SUN1: variants seen among roughly 807,000 people sequenced by gnomAD.
The protein encoded by SUN1 is Sad1 and UNC84 domain containing 1, also known as SUN domain-containing protein 1.
SUN1 carries 61 observed loss-of-function variants against 103.2 expected under a neutral mutation model. The ratio of observed to expected loss-of-function variants is 0.59; its 90% CI spans 0.48 to 0.73. The LOEUF is 0.73. Ranked by LOEUF, SUN1 falls within the 30% of genes least tolerant of loss-of-function variation. The pLI is 0.00. For missense variants in SUN1, 1,052 were observed against 1,034.6 expected (o/e 1.02, Z -0.23); for synonymous variants, 490 against 425.7 (o/e 1.15, Z -1.86).
chr7:860,371 A>T lies in SUN1; in HGVS notation c.1768A>T (p.Ile590Leu), dbSNP rs374725863. Residue 590 changes from isoleucine (I) to leucine (L), a missense_variant, in exon 14 of 19, where the codon ATA becomes TTA. Coordinates refer to ENST00000401592, the MANE Select transcript of SUN1 (RefSeq NM_001130965.3). ...SAVSEAGASG[I>L]TEAQARAIVN... Reference sequence around the variant, plus strand: ...TGTGAGCGAGGCGGGGGCGTCTGGAATAACAGAGGCGGTGAGTCGGCGAGT... The same window carrying T: ...TGTGAGCGAGGCGGGGGCGTCTGGATTAACAGAGGCGGTGAGTCGGCGAGT... The T allele has an allele frequency of 6.0e-5, 97 of 1,612,938 alleles. No homozygotes were observed. Among genetic ancestry groups the T allele is most frequent in the Non-Finnish European group, 7.6e-5 (90 of 1,179,134 alleles).
At chr7:863,412 T>G (rs1039766647) in intron 15 of SUN1, among the ~76,000 whole-genome samples, 2 of 152,138 alleles carry the variant, frequency 1.3e-5, no homozygotes, top group Non-Finnish European at 2.9e-5. Context: ...TTTTGTTTCT[T>G]GGGGGTTTTT....
At position 838,850 on chromosome 7, in the gene SUN1, C is replaced by A. The variant is rs1007970141; in HGVS notation, c.130C>A (p.Pro44Thr). The A allele has an allele frequency of 1.3e-6, 2 of 1,581,922 alleles. No individual in the cohort carries two copies. The highest frequency in any genetic ancestry group is 1.7e-6 in the Non-Finnish European group (2 of 1,163,414). ...TTTTGAGACGGAGCACAAATTGGAC[C>A]CTGTATTTGATTCTCCACGGATGTC... is the stretch of plus-strand genomic sequence containing the variant. ...LDFETEHKLD[P>T]VFDSPRMSRR... The change falls in exon 2 of 19, where the codon CCT (proline) becomes ACT (threonine). Residue 44 changes from proline (P) to threonine (T), a missense_variant. This residue lies in a region of SUN1 where 846 missense variants were observed against 774.5 expected (regional missense o/e 1.09). Transcript: ENST00000401592.
At chr7:854,078 G>A (rs1420202268) in intron 10 of SUN1, among the ~76,000 whole-genome samples, 1 of 152,218 alleles carries the variant, frequency 6.6e-6, no homozygotes, top group East Asian at 1.9e-4. Context: ...GGGGACCCAG[G>A]AACCTCTGCT....
chr7:841,862 A>G (rs748824246), intron 2 of SUN1, 84 bp from the exon 3 acceptor site: 29 of 1,431,036 alleles, frequency 2.0e-5, no homozygotes, highest in Middle Eastern at 1.7e-4. Context: ...TTATTCCCAG[A>G]TTAAGAGTTT....
intron 1 of SUN1, among the ~76,000 whole-genome samples, chr7:834,316 G>A (rs1800833827): frequency 1.3e-5 from 2 of 152,226 alleles, no homozygotes; most frequent in African/African-American, 4.8e-5. Flanking sequence ...GGTTGCTGCA[G>A]GATAGAGGTC....
intron 12 of SUN1, among the ~76,000 whole-genome samples, 175 bp downstream of exon 12, chr7:856,576 T>C (rs1365405676): frequency 6.6e-6 from 1 of 151,892 alleles, no homozygotes; most frequent in Admixed American, 6.6e-5. Flanking sequence ...GACAGAGGGG[T>C]CCTGCGGGGC....
At chr7:853,325 T>C in intron 9 of SUN1, 84 bp from the exon 10 acceptor site, 1 of 1,501,638 alleles carries the variant, frequency 6.7e-7, no homozygotes, top group Non-Finnish European at 9.2e-7. Context: ...GGCGTCTTGC[T>C]GTAGGACACT....
At position 838,976 on chromosome 7, in the gene SUN1, C is replaced by A. The variant is rs1407586100; in HGVS notation, c.256C>A (p.Arg86=). 3.8e-6 allele frequency: 6 copies of A among 1,586,910 alleles called. No homozygotes were observed. Among genetic ancestry groups the A allele is most frequent in the Non-Finnish European group, 5.1e-6 (6 of 1,168,034 alleles). The stretch of plus-strand genomic sequence containing the variant: ...CAGCAGCGCTGTCTCCCTGAAGAAC[C>A]GAGCGGCCAGGTGAGCACCGCTGCA... ...GTSSAVSLKN[R]AARTTKQRRS... is the part of the protein sequence containing the mutation. The change falls in exon 2 of 19, where the codon CGA becomes AGA. Residue 86 remains arginine (R), a synonymous_variant. Coordinates refer to ENST00000401592, the MANE Select transcript of SUN1 (RefSeq NM_001130965.3).
chr7:851,307 G>C, intron 5 of SUN1, 77 bp from the exon 6 acceptor site: 1 of 1,300,720 alleles, frequency 7.7e-7, no homozygotes, highest in Non-Finnish European at 1.1e-6. Flanking sequence ...GTGTGGCTTG[G>C]GCGTCCCCAC....
intron 1 of SUN1, among the ~76,000 whole-genome samples, chr7:824,780 A>G (rs934135618): frequency 1.3e-5 from 2 of 151,972 alleles, no homozygotes; most frequent in African/African-American, 2.4e-5. Context: ...GAAACGTTGC[A>G]TCTTGGCTAG....
chr7:861,258 T>C, intron 14 of SUN1, 122 bp from the exon 15 acceptor site: 4 of 957,054 alleles, frequency 4.2e-6, no homozygotes, highest in Middle Eastern at 3.2e-4. Context: ...CTAGGAACCC[T>C]ACATAGTTTC....
intron 7 of SUN1, chr7:852,339 A>C: frequency 3.4e-6 from 2 of 595,060 alleles, no homozygotes; most frequent in Non-Finnish European, 5.9e-6. Flanking sequence ...GGCATCAGTC[A>C]CCTCAGAAGG....
In SUN1 at chr7:869,425, T is replaced by C. The variant is rs755860211; in HGVS notation, c.2057T>C (p.Ile686Thr). The change falls in exon 17 of 19, where the codon ATC becomes ACC. Residue 686 changes from isoleucine to threonine, a missense_variant. This residue lies in a region of SUN1 where 206 missense variants were observed against 260.1 expected (regional missense o/e 0.79). Coordinates refer to ENST00000401592, the MANE Select transcript of SUN1 (RefSeq NM_001130965.3). ...GYLVVRLSMM[I>T]HPAAFTLEHI... The stretch of plus-strand genomic sequence containing the variant: ...CTGGTGGTGAGGCTCTCCATGATGA[T>C]CCACCCAGCCGCCTTCACTCTGGAG... 2.3e-5 allele frequency: 37 copies of C among 1,613,714 alleles called. No homozygotes were observed. The highest frequency in any genetic ancestry group is 1.4e-4 in the South Asian group (13 of 91,084).
chr7:851,241 G>C, intron 5 of SUN1, 143 bp from the exon 6 acceptor site: 2 of 590,390 alleles, frequency 3.4e-6, no homozygotes. Flanking sequence ...GAGTTATTTG[G>C]CTTTTCATAT....
chr7:842,697 G>A (rs2128301380), intron 3 of SUN1: 1 of 190,880 alleles, frequency 5.2e-6, no homozygotes, highest in Admixed American at 5.3e-5. Flanking sequence ...AGCATGGTAA[G>A]GGGCGCCCAG....
chr7:823,523 G>T (rs977298614), intron 1 of SUN1, among the ~76,000 whole-genome samples: 7 of 152,074 alleles, frequency 4.6e-5, no homozygotes, highest in Admixed American at 3.9e-4. Context: ...CATGTAAATG[G>T]GTGGGGAGGA....
intron 14 of SUN1, among the ~76,000 whole-genome samples, 171 bp downstream of exon 14, chr7:860,553 G>C (rs370221563): frequency 1.3e-5 from 2 of 152,238 alleles, no homozygotes; most frequent in East Asian, 3.8e-4. Flanking sequence ...CGTGTGTGGA[G>C]GGGGCACCTG....
rs565145433 is a variant in SUN1, at chr7:844,849, C to T, written c.658+1329C>T. On this transcript the variant is annotated intron_variant, in intron 5 of 18. Coordinates refer to ENST00000401592, the MANE Select transcript of SUN1 (RefSeq NM_001130965.3). ...GGGGGAGCCTGGAGCTGAACCCAGG[C>T]GTCTGACCCAGGTGCTCCCCCTTAG... 6.6e-5 allele frequency among the ~76,000 whole-genome samples: 10 copies of T among 152,262 alleles called. No individual in the cohort carries two copies. In the South Asian group the frequency reaches 1.0e-3, roughly 16 times the overall value.
chr7:869,766 CT>C (rs1840067518), intron 17 of SUN1, among the ~76,000 whole-genome samples: 1 of 152,152 alleles, frequency 6.6e-6, no homozygotes, highest in Non-Finnish European at 1.5e-5. Flanking sequence ...AATTTTGCTC[CT>C]CACCGCCCTT....
Sources: allele counts gnomAD v4.1 joint callset (sites outside exome capture counted in the v4.1 genomes callset), GRCh38; gene constraint gnomAD v4.1.1; regional missense constraint gnomAD v4.1.1; transcripts MANE v1.5; gene names NCBI Gene and HGNC (gene_info 2026-07-23, HGNC 2026-07-21).